The following NLRC4 variants were observed in gnomAD, a reference collection of about 807,000 sequenced individuals.
The protein encoded by NLRC4 is NLR family CARD domain-containing protein 4.
In NLRC4, 63 loss-of-function variants were observed where a neutral mutation model predicts 79.9. That is an observed-to-expected ratio of 0.79 (90% CI 0.64 to 0.97). NLRC4 has a LOEUF of 0.97. NLRC4 is among the 50% of genes least tolerant of loss of function. The pLI is 0.00. For missense variants in NLRC4, 1,074 were observed against 1,215.2 expected, an observed-to-expected ratio of 0.88 and a Z score of 1.73; for synonymous variants, 461 against 456.5, an observed-to-expected ratio of 1.01 and a Z score of -0.12.
At chr2:32,229,791 CAAAT>C (rs1052970825) in intron 8 of NLRC4, among the ~76,000 whole-genome samples, 2 of 152,148 alleles carry the variant, frequency 1.3e-5, no homozygotes, top group African/African-American at 4.8e-5. Context: ...GCGGAGGAAT[CAAAT>C]AAATTAAACA....
At position 32,250,172 on chromosome 2, in the gene NLRC4, C is replaced by G. The variant is rs757067045; in HGVS notation, c.1692G>C (p.Glu564Asp). ...GGCTCAGGGCTGATTTGGATGTACT[C>G]TCTTGATATAAATGGATGCCACACT... is the stretch of plus-strand genomic sequence containing the variant. The part of the protein sequence containing the change: ...FVECGIHLYQ[E>D]STSKSALSQE... The change falls in exon 4 of 9, where the codon GAG becomes GAC. Residue 564 changes from glutamate to aspartate, a missense_variant. Transcript: ENST00000402280. The surrounding 1 kb of genome is among the most constrained non-coding windows in gnomAD (Gnocchi z 4.9). 1 of 1,614,218 alleles carries G rather than the reference C, an allele frequency of 6.2e-7. No individual in the cohort carries two copies. Among genetic ancestry groups the G allele is most frequent in the Non-Finnish European group, 8.5e-7 (1 of 1,180,038 alleles).
At chr2:32,234,572 G>A (rs1573473417) in intron 8 of NLRC4, among the ~76,000 whole-genome samples, 1 of 152,264 alleles carries the variant, frequency 6.6e-6, no homozygotes, top group South Asian at 2.1e-4. Context: ...GTTTCCATAC[G>A]CTGGATTGGA....
chr2:32,236,440 A>C, intron 6 of NLRC4, 101 bp from the exon 7 acceptor site: 1 of 692,586 alleles, frequency 1.4e-6, no homozygotes, highest in Non-Finnish European at 2.4e-6. Flanking sequence ...TTCTCTGCTA[A>C]TGGTAGTGCA....
chr2:32,235,244 GTCT>G (rs991892374), intron 8 of NLRC4, among the ~76,000 whole-genome samples, 154 bp downstream of exon 8: 1 of 152,122 alleles, frequency 6.6e-6, no homozygotes, highest in African/African-American at 2.4e-5. Flanking sequence ...AGTGTTTTAA[GTCT>G]TCTTACTCTA....
At chr2:32,239,522 T>G (rs960221733) in intron 5 of NLRC4, among the ~76,000 whole-genome samples, 1 of 152,202 alleles carries the variant, frequency 6.6e-6, no homozygotes, top group African/African-American at 2.4e-5. Context: ...GGGCAAGTTA[T>G]TCAATCTTTT....
chr2:32,250,992 C>A lies in NLRC4; in HGVS notation c.872G>T (p.Gly291Val). Residue 291 changes from glycine (G) to valine (V), a missense_variant, in exon 4 of 9, where the codon GGT becomes GTT. Coordinates refer to ENST00000402280, the MANE Select transcript of NLRC4 (RefSeq NM_001199138.2). The surrounding 1 kb of genome is among the most constrained non-coding windows in gnomAD (Gnocchi z 4.9). ...ATCCCCCACCTCAGCAGTCAGGGCACCAAACTGCCGTATGTGCCTCAGGCA... is the reference window on the plus strand; with the variant it reads ...ATCCCCCACCTCAGCAGTCAGGGCAACAAACTGCCGTATGTGCCTCAGGCA... ...TECLRHIRQF[G>V]ALTAEVGDMT... 1 of 1,614,172 alleles carries A rather than the reference C, an allele frequency of 6.2e-7. No homozygotes were observed. Among genetic ancestry groups the A allele is most frequent in the Non-Finnish European group, 8.5e-7 (1 of 1,180,040 alleles).
Position 32,250,408 on chromosome 2 carries a change from T to G in NLRC4, c.1456A>C (p.Thr486Pro). Reference sequence around the variant, plus strand: ...GTGTACCGGAGCAGGCTGCTATAAGTGGATGTAATGTCCGAAATGGAAACC... The same window carrying G: ...GTGTACCGGAGCAGGCTGCTATAAGGGGATGTAATGTCCGAAATGGAAACC... ...KMVSISDITSTYSSLLRYTCG... is the reference protein window; with the variant it reads ...KMVSISDITSPYSSLLRYTCG... Residue 486 changes from threonine (T) to proline (P), a missense_variant, in exon 4 of 9, where the codon ACT (threonine) becomes CCT (proline). Coordinates refer to ENST00000402280, the MANE Select transcript of NLRC4 (RefSeq NM_001199138.2). The surrounding 1 kb of genome is among the most constrained non-coding windows in gnomAD (Gnocchi z 4.9). The G allele has an allele frequency of 6.2e-7, 1 of 1,614,124 alleles. No homozygotes were observed. Among genetic ancestry groups the G allele is most frequent in the Non-Finnish European group, 8.5e-7 (1 of 1,180,016 alleles).
In NLRC4 at chr2:32,254,179, C is replaced by G. The variant is rs550336826; in HGVS notation, c.2-1500G>C. Reference sequence around the variant, plus strand: ...TTTCACATCACAGTAACAACCAGCTCCAGCACACTGGGGATTCCTCATCTG... The same window carrying G: ...TTTCACATCACAGTAACAACCAGCTGCAGCACACTGGGGATTCCTCATCTG... On this transcript the variant is annotated intron_variant, in intron 2 of 8. Coordinates refer to ENST00000402280, the MANE Select transcript of NLRC4 (RefSeq NM_001199138.2). Among the ~76,000 whole-genome samples, 4 of 152,050 alleles carry G rather than the reference C, an allele frequency of 2.6e-5. No individual in the cohort carries two copies. In the South Asian group the frequency reaches 8.3e-4, roughly 31 times the overall value.
intron 8 of NLRC4, among the ~76,000 whole-genome samples, chr2:32,225,306 C>G (rs1462273887): frequency 2.0e-5 from 3 of 152,022 alleles, no homozygotes; most frequent in Non-Finnish European, 4.4e-5. Flanking sequence ...TTCCTCCATT[C>G]CTTACAGAAT....
intron 1 of NLRC4, among the ~76,000 whole-genome samples, chr2:32,264,068 G>T (rs1445880210): frequency 6.6e-6 from 1 of 152,118 alleles, no homozygotes; most frequent in Non-Finnish European, 1.5e-5. Flanking sequence ...TGGGAGATTG[G>T]ATGGACTAAG....
chr2:32,241,480 C>A lies in NLRC4; in HGVS notation c.2258-355G>T, dbSNP rs548059469. Among the ~76,000 whole-genome samples the A allele has an allele frequency of 5.4e-5, 8 of 149,252 alleles. No homozygotes were observed. In the East Asian group the frequency reaches 1.6e-3, roughly 30 times the overall value. ...CCAGCTCCACCTCCCGGGTTCACAC[C>A]ATTCTCCTGCCTCAGCCTCCCAAGT... On this transcript the variant is annotated intron_variant, in intron 4 of 8. Coordinates refer to ENST00000402280, the MANE Select transcript of NLRC4 (RefSeq NM_001199138.2).
At chr2:32,231,736 AT>A (rs1162691436) in intron 8 of NLRC4, among the ~76,000 whole-genome samples, 1 of 151,288 alleles carries the variant, frequency 6.6e-6, no homozygotes, top group Non-Finnish European at 1.5e-5. Context: ...CACCCAGCTA[AT>A]TTTTTGGAGA....
At chr2:32,234,405 C>T (rs1202191522) in intron 8 of NLRC4, among the ~76,000 whole-genome samples, 1 of 151,734 alleles carries the variant, frequency 6.6e-6, no homozygotes, top group Non-Finnish European at 1.5e-5. Context: ...AAACAAAGAA[C>T]AAAAACAGTT....
At chr2:32,236,135 G>A (rs1686666739) in intron 7 of NLRC4, 112 bp downstream of exon 7, 5 of 600,960 alleles carry the variant, frequency 8.3e-6, no homozygotes, top group Admixed American at 3.3e-5. Context: ...TAAGGAGGGT[G>A]CATCTAGTAA....
chr2:32,229,291 A>G (rs1244166017), intron 8 of NLRC4, among the ~76,000 whole-genome samples: 2 of 151,980 alleles, frequency 1.3e-5, no homozygotes, highest in Non-Finnish European at 2.9e-5. Flanking sequence ...TTAGCTGGGC[A>G]TAGTGCACAC....
chr2:32,239,381 A>G (rs759724724), intron 5 of NLRC4, among the ~76,000 whole-genome samples: 2 of 152,330 alleles, frequency 1.3e-5, no homozygotes, highest in South Asian at 4.1e-4. Flanking sequence ...AACATATTTA[A>G]TGTGGTGCCT....
At chr2:32,246,644 T>C (rs1686944403) in intron 4 of NLRC4, among the ~76,000 whole-genome samples, 1 of 152,218 alleles carries the variant, frequency 6.6e-6, no homozygotes, top group African/African-American at 2.4e-5. Flanking sequence ...GCAGACATTC[T>C]CCTTTAGTGT....
Position 32,252,669 on chromosome 2 carries a change from T to C in NLRC4, c.12A>G (p.Ile4Met). Residue 4 changes from isoleucine to methionine, a missense_variant, in exon 3 of 9, where the codon ATA becomes ATG. Coordinates refer to ENST00000402280, the MANE Select transcript of NLRC4 (RefSeq NM_001199138.2). ...GAATAAGGGCTCGGCTATTGTCCTT[T>C]ATGAAATTCACTGAGGAGATGGGGA... MNF[I>M]KDNSRALIQR... is the part of the protein sequence containing the mutation. 2 of 1,612,894 alleles carry C rather than the reference T, an allele frequency of 1.2e-6. No homozygotes were observed. The highest frequency in any genetic ancestry group is 1.1e-5 in the South Asian group (1 of 91,036).
chr2:32,237,645 T>C (rs952801364), intron 6 of NLRC4, among the ~76,000 whole-genome samples: 2 of 152,246 alleles, frequency 1.3e-5, no homozygotes, highest in African/African-American at 4.8e-5. Flanking sequence ...AATATGCAGT[T>C]AGTTTCCCCG....
Sources: gnomAD v4.1 joint callset for allele counts (sites outside exome capture counted in the v4.1 genomes callset) on GRCh38, gnomAD v4.1.1 for gene constraint, Gnocchi (gnomAD v3.1) non-coding constraint, MANE v1.5 for transcripts, NCBI Gene and HGNC (gene_info 2026-07-23, HGNC 2026-07-21) for gene names.